RAPGEF2: variants seen among roughly 807,000 people sequenced by gnomAD.
RAPGEF2 encodes Rap guanine nucleotide exchange factor 2, also known as PDZ domain containing guanine nucleotide exchange factor (GEF) 1.
In RAPGEF2, 54 loss-of-function variants were observed where a neutral mutation model predicts 186.7. The ratio of observed to expected loss-of-function variants is 0.29; its 90% CI spans 0.23 to 0.36. The LOEUF (loss-of-function observed/expected upper bound fraction) is 0.36, where lower values mean the gene tolerates loss of function less well. Ranked by LOEUF, RAPGEF2 falls within the 10% of genes least tolerant of loss-of-function variation. RAPGEF2 has a pLI of 1.00. For synonymous variants in RAPGEF2, 712 were observed against 705.9 expected (o/e 1.01, Z -0.14); for missense variants, 1,532 against 2,045.0 (o/e 0.75, Z 4.84).
intron 1 of RAPGEF2, among the ~76,000 whole-genome samples, chr4:159,185,903 AAG>A (rs1747506203): frequency 6.6e-6 from 1 of 152,182 alleles, no homozygotes; most frequent in Admixed American, 6.5e-5. Context: ...ACTAAGGTTT[AAG>A]AGAGGAGTAA....
At chr4:159,210,422 C>A in intron 3 of RAPGEF2, 78 bp from the exon 4 acceptor site, 1 of 893,512 alleles carries the variant, frequency 1.1e-6, no homozygotes. Flanking sequence ...ATGGGTGCTG[C>A]ACTTTGTGCT....
intron 1 of RAPGEF2, among the ~76,000 whole-genome samples, chr4:159,158,500 T>C (rs1744356750): frequency 6.6e-6 from 1 of 152,222 alleles, no homozygotes; most frequent in Admixed American, 6.5e-5. Flanking sequence ...TTAAAAAATT[T>C]CCTACCCAAA....
chr4:159,186,821 A>G, intron 2 of RAPGEF2, 109 bp downstream of exon 2: 1 of 592,402 alleles, frequency 1.7e-6, no homozygotes, highest in Non-Finnish European at 2.8e-6. Flanking sequence ...TAATAATTGT[A>G]CATATTCGTG....
chr4:159,175,463 T>C (rs570222073), intron 1 of RAPGEF2, among the ~76,000 whole-genome samples: 1 of 152,274 alleles, frequency 6.6e-6, no homozygotes, highest in Admixed American at 6.5e-5. Flanking sequence ...TTTACAAAGA[T>C]CTGGGGAGGC....
intron 1 of RAPGEF2, among the ~76,000 whole-genome samples, chr4:159,129,980 G>A (rs896372673): frequency 6.6e-6 from 1 of 152,102 alleles, no homozygotes; most frequent in Admixed American, 6.5e-5. Flanking sequence ...AATTATTTAT[G>A]AGTTTTCCTG....
chr4:159,107,180 C>T (rs926751221), intron 1 of RAPGEF2, among the ~76,000 whole-genome samples: 2 of 152,126 alleles, frequency 1.3e-5, no homozygotes, highest in African/African-American at 4.8e-5. Flanking sequence ...AAATAATGAG[C>T]CCTGAAAACA....
chr4:159,297,203 G>A (rs1402236878), intron 7 of RAPGEF2, among the ~76,000 whole-genome samples: 1 of 152,084 alleles, frequency 6.6e-6, no homozygotes, highest in Non-Finnish European at 1.5e-5. Context: ...TCATAATATA[G>A]GAAAGTAGCA....
At chr4:159,333,836 T>C (rs1275528283) in intron 17 of RAPGEF2, among the ~76,000 whole-genome samples, 1 of 152,232 alleles carries the variant, frequency 6.6e-6, no homozygotes, top group African/African-American at 2.4e-5. Context: ...ATTTAATGGG[T>C]CTAAAGACAT....
At chr4:159,305,874 A>G (rs1763220327) in intron 8 of RAPGEF2, among the ~76,000 whole-genome samples, 1 of 152,062 alleles carries the variant, frequency 6.6e-6, no homozygotes, top group Admixed American at 6.6e-5. Context: ...GTTTCATTAT[A>G]TGGTAATCCA....
Position 159,330,420 on chromosome 4 carries a change from T to TA in RAPGEF2, c.1390dup (p.Arg464LysfsTer6). Reference sequence around the variant, plus strand: ...TCATAGAAGACTTTCTGTTGACCTATAGGACTTTTCTTTCTAGCCCAATGG... The same window carrying TA: ...TCATAGAAGACTTTCTGTTGACCTATAAGGACTTTTCTTTCTAGCCCAATGG... On this transcript the variant is annotated frameshift_variant, in exon 13 of 30. Coordinates refer to ENST00000691494, the MANE Select transcript of RAPGEF2 (RefSeq NM_001394067.2). LOFTEE classifies it high-confidence loss of function. 1 of 1,608,372 alleles carries TA rather than the reference T, an allele frequency of 6.2e-7. No homozygotes were observed. Among genetic ancestry groups the TA allele is most frequent in the Non-Finnish European group, 8.5e-7 (1 of 1,178,422 alleles).
chr4:159,153,590 A>T (rs1485836142), intron 1 of RAPGEF2, among the ~76,000 whole-genome samples: 4 of 152,208 alleles, frequency 2.6e-5, no homozygotes, highest in African/African-American at 9.6e-5. Flanking sequence ...ACACTGTGAG[A>T]GTCTCTTATC....
chr4:159,168,856 T>C (rs1234624718), intron 1 of RAPGEF2, among the ~76,000 whole-genome samples: 1 of 152,192 alleles, frequency 6.6e-6, no homozygotes, highest in Non-Finnish European at 1.5e-5. Flanking sequence ...ATATATGTGA[T>C]AGGATATAGA....
intron 1 of RAPGEF2, among the ~76,000 whole-genome samples, chr4:159,122,858 C>G (rs1419837094): frequency 1.3e-5 from 2 of 152,188 alleles, no homozygotes; most frequent in African/African-American, 4.8e-5. Context: ...AAAGAAAATT[C>G]ATGACATTAT....
chr4:159,347,550 T>C (rs1208303862), intron 25 of RAPGEF2, among the ~76,000 whole-genome samples: 1 of 152,186 alleles, frequency 6.6e-6, no homozygotes, highest in East Asian at 1.9e-4. Context: ...TTTGGGAGGC[T>C]GAGGCGGGCA....
intron 7 of RAPGEF2, among the ~76,000 whole-genome samples, chr4:159,253,591 G>C (rs781274456): frequency 5.3e-5 from 8 of 150,948 alleles, no homozygotes; most frequent in Non-Finnish European, 1.2e-4. Context: ...AGCTCATTTT[G>C]TTCGTTTTTA....
intron 11 of RAPGEF2, among the ~76,000 whole-genome samples, chr4:159,324,461 A>AT (rs1765665428): frequency 6.6e-6 from 1 of 152,220 alleles, no homozygotes; most frequent in African/African-American, 2.4e-5. Context: ...TAAGGATGGT[A>AT]TTTTTAAATT....
chr4:159,253,028 T>C (rs1488288508), intron 7 of RAPGEF2, among the ~76,000 whole-genome samples: 1 of 152,252 alleles, frequency 6.6e-6, no homozygotes, highest in African/African-American at 2.4e-5. Flanking sequence ...ATTGGTCTAA[T>C]AGACAGTTGG....
intron 7 of RAPGEF2, chr4:159,267,900 G>A (rs992290206): frequency 1.1e-4 from 125 of 1,148,120 alleles, no homozygotes; most frequent in Non-Finnish European, 1.3e-4. Context: ...TCTCAGTCTT[G>A]TCATAGCCTA....
In RAPGEF2 at chr4:159,314,608, T is replaced by A. The variant is rs199498205; in HGVS notation, c.693T>A (p.Ala231=). 7.4e-6 allele frequency: 12 copies of A among 1,611,038 alleles called. No individual in the cohort carries two copies. In the East Asian group the frequency reaches 2.0e-4, roughly 27 times the overall value. ...GTCTTAAGGCCACAGAAAGCGAGGC[T>A]GGTGATATGGACCTGAGTGGGTTGC... ...SDIYQATESE[A]GDMDLSGLPE... is the part of the protein sequence containing the mutation. The change falls in exon 9 of 30, where the codon GCT becomes GCA. Residue 231 remains alanine (A), a synonymous_variant. Coordinates refer to ENST00000691494, the MANE Select transcript of RAPGEF2 (RefSeq NM_001394067.2).
Sources: gnomAD v4.1 joint callset for allele counts (sites outside exome capture counted in the v4.1 genomes callset) on GRCh38, gnomAD v4.1.1 for gene constraint, MANE v1.5 for transcripts, NCBI Gene and HGNC (gene_info 2026-07-23, HGNC 2026-07-21) for gene names.